GABRG3: variants seen among roughly 807,000 people sequenced by gnomAD.
The protein encoded by GABRG3 is gamma-aminobutyric acid type A receptor subunit gamma3.
GABRG3 carries 25 observed loss-of-function variants against 48.8 expected under a neutral mutation model. The ratio of observed to expected loss-of-function variants is 0.51; its 90% CI spans 0.37 to 0.72. The LOEUF (loss-of-function observed/expected upper bound fraction) is 0.72. Ranked by LOEUF, GABRG3 falls within the 30% of genes least tolerant of loss-of-function variation. GABRG3 has a pLI of 0.00. For synonymous variants in GABRG3, 227 were observed against 217.6 expected, an observed-to-expected ratio of 1.04 and a Z score of -0.38; for missense variants, 394 against 577.9, an observed-to-expected ratio of 0.68 and a Z score of 3.26.
chr15:27,509,311 G>T (rs4563002), intron 6 of GABRG3, among the ~76,000 whole-genome samples: 93,823 of 151,850 alleles, frequency 0.62, 30,185 homozygotes, highest in African/African-American at 0.8. Flanking sequence ...TATGATATAT[G>T]TAGTTGGGGG....
At chr15:27,189,340 T>C (rs970340570) in intron 3 of GABRG3, among the ~76,000 whole-genome samples, 1 of 152,138 alleles carries the variant, frequency 6.6e-6, no homozygotes, top group East Asian at 1.9e-4. Flanking sequence ...TTTCACGATA[T>C]TGATTCTTCC....
intron 3 of GABRG3, among the ~76,000 whole-genome samples, chr15:27,284,016 A>T (rs1359002545): frequency 6.6e-6 from 1 of 152,154 alleles, no homozygotes; most frequent in East Asian, 1.9e-4. Flanking sequence ...TTGCCCAAAG[A>T]ACTCACCTCA....
At chr15:27,498,133 T>C (rs1262508835) in intron 6 of GABRG3, among the ~76,000 whole-genome samples, 2 of 152,180 alleles carry the variant, frequency 1.3e-5, no homozygotes, top group East Asian at 3.8e-4. Flanking sequence ...ATATATGTGA[T>C]ATGCCTATCC....
In GABRG3 at chr15:27,307,366, T is replaced by TAGGTTTATATATGTTTATATATAAAC. The variant is rs1555370007; in HGVS notation, c.271-19442_271-19441insGGTTTATATATGTTTATATATAAACA. Among the ~76,000 whole-genome samples the TAGGTTTATATATGTTTATATATAAAC allele has an allele frequency of 1.4e-3, 28 of 19,944 alleles. 6 individuals are homozygous for TAGGTTTATATATGTTTATATATAAAC. The highest frequency in any genetic ancestry group is 3.4e-3 in the African/African-American group (14 of 4,168). The allele number at this position is 19,944 out of a possible 152,430, so 13.1% of individuals were successfully genotyped here. A position where few individuals can be genotyped will look rare whatever the true frequency, so the allele number is the denominator to read the frequency against. On this transcript the variant is annotated intron_variant, in intron 3 of 9. Coordinates refer to ENST00000615808, the MANE Select transcript of GABRG3 (RefSeq NM_033223.5). ...GTTTATATATGTTTATATATAACCA[T>TAGGTTTATATATGTTTATATATAAAC]ATAGGTTTATATATTTATATATAAC... is the stretch of plus-strand genomic sequence containing the variant.
chr15:27,216,778 A>ATTT (rs57030355), intron 3 of GABRG3, among the ~76,000 whole-genome samples: 1 of 119,618 alleles, frequency 8.4e-6, no homozygotes, highest in East Asian at 2.6e-4. Context: ...TTATTTTTTA[A>ATTT]TTTTTTTTTT....
At chr15:27,044,569 A>G (rs1039957340) in intron 3 of GABRG3, among the ~76,000 whole-genome samples, 5 of 152,268 alleles carry the variant, frequency 3.3e-5, no homozygotes, top group African/African-American at 4.8e-5. Flanking sequence ...CTTTTAATAC[A>G]TAATGATAAA....
At chr15:27,415,041 T>C (rs2140603667) in intron 5 of GABRG3, among the ~76,000 whole-genome samples, 1 of 152,302 alleles carries the variant, frequency 6.6e-6, no homozygotes, top group East Asian at 1.9e-4. Flanking sequence ...CTGACGTTAA[T>C]TTGGGTAAAT....
chr15:27,513,384 A>G (rs1199553803), intron 6 of GABRG3, among the ~76,000 whole-genome samples: 3 of 151,814 alleles, frequency 2.0e-5, no homozygotes, highest in African/African-American at 7.3e-5. Flanking sequence ...TGGGAGGCGG[A>G]GCTTGCAGTG....
At chr15:26,987,861 T>G (rs1280409134) in intron 2 of GABRG3, among the ~76,000 whole-genome samples, 2 of 152,248 alleles carry the variant, frequency 1.3e-5, no homozygotes, top group Admixed American at 6.5e-5. Context: ...GTGTTTTAAT[T>G]TCACTTACAT....
intron 5 of GABRG3, among the ~76,000 whole-genome samples, chr15:27,428,834 A>G (rs1240220750): frequency 2.0e-5 from 3 of 152,226 alleles, no homozygotes; most frequent in African/African-American, 7.2e-5. Flanking sequence ...GCTGAGGGAA[A>G]AAAAATTAGG....
At chr15:27,152,322 A>G (rs912984737) in intron 3 of GABRG3, among the ~76,000 whole-genome samples, 2 of 152,128 alleles carry the variant, frequency 1.3e-5, no homozygotes, top group African/African-American at 4.8e-5. Context: ...TGGGTTCTCT[A>G]TTCTGTTTTA....
At chr15:27,276,593 C>G (rs935784794) in intron 3 of GABRG3, among the ~76,000 whole-genome samples, 1 of 151,910 alleles carries the variant, frequency 6.6e-6, no homozygotes, top group African/African-American at 2.4e-5. Flanking sequence ...TAAGGCTGGG[C>G]CGAGTTACTA....
At chr15:27,033,355 C>T (rs1208170829) in intron 3 of GABRG3, among the ~76,000 whole-genome samples, 2 of 152,108 alleles carry the variant, frequency 1.3e-5, no homozygotes, top group South Asian at 2.1e-4. Flanking sequence ...GGGTGCCAGT[C>T]TACTGCAAGG....
chr15:27,495,556 A>G lies in GABRG3; in HGVS notation c.712+14769A>G, dbSNP rs929034123. On this transcript the variant is annotated intron_variant, in intron 6 of 9. Transcript: ENST00000615808. Reference sequence around the variant, plus strand: ...CAACATAAATTAGAAGACTCAAGACAAGGAAAGTCTGTTGTATAATTCTTT... The same window carrying G: ...CAACATAAATTAGAAGACTCAAGACGAGGAAAGTCTGTTGTATAATTCTTT... Among the ~76,000 whole-genome samples, 3 of 152,222 alleles carry G rather than the reference A, an allele frequency of 2.0e-5. 1 individual carries two copies. Among genetic ancestry groups the G allele is most frequent in the South Asian group, 4.1e-4 (2 of 4,832 alleles).
chr15:27,210,819 G>A (rs1033437120), intron 3 of GABRG3, among the ~76,000 whole-genome samples: 3 of 152,204 alleles, frequency 2.0e-5, no homozygotes, highest in African/African-American at 7.2e-5. Flanking sequence ...GGCTGGCGCT[G>A]TGTGAGCATT....
rs548009317 is a variant in GABRG3 at position 27,179,986 on chromosome 15, C to T, written c.271-146823C>T. ...GAAGAGCTGCAGCACTTCTCTCTGG[C>T]GGTACATTTTGCACACTCATGGTTA... is the stretch of plus-strand genomic sequence containing the variant. On this transcript the variant is annotated intron_variant, in intron 3 of 9. Coordinates refer to ENST00000615808, the MANE Select transcript of GABRG3 (RefSeq NM_033223.5). This position sits in a 1 kb window ranked among gnomAD's most constrained non-coding sequence, Gnocchi z 4.0. Among the ~76,000 whole-genome samples the T allele has an allele frequency of 5.9e-5, 9 of 152,240 alleles. No homozygotes were observed. The South Asian group carries it at 6.2e-4, about 11-fold the overall frequency.
intron 5 of GABRG3, among the ~76,000 whole-genome samples, chr15:27,414,900 G>T (rs1336645734): frequency 6.6e-6 from 1 of 152,070 alleles, no homozygotes; most frequent in Non-Finnish European, 1.5e-5. Context: ...CTTTCCTTTG[G>T]CTTCTTTCCA....
intron 2 of GABRG3, among the ~76,000 whole-genome samples, chr15:27,011,233 T>C (rs975156508): frequency 8.5e-5 from 13 of 152,178 alleles, no homozygotes; most frequent in African/African-American, 2.7e-4. Flanking sequence ...ATTCTGCAAC[T>C]CTCTTAGGAC....
Position 27,053,778 on chromosome 15 carries a change from T to C in GABRG3, c.270+26957T>C, listed in dbSNP as rs910420671. ...AAATGTGTAAATATACACCGTGAAA[T>C]ACCGCGCAGCCATTAAGAAAGAATG... On this transcript the variant is annotated intron_variant, in intron 3 of 9. Coordinates refer to ENST00000615808, the MANE Select transcript of GABRG3 (RefSeq NM_033223.5). 2.6e-5 allele frequency among the ~76,000 whole-genome samples: 4 copies of C among 152,260 alleles called. No individual in the cohort carries two copies. In the East Asian group the frequency reaches 7.7e-4, roughly 29 times the overall value.
Sources: gnomAD v4.1 joint callset for allele counts (sites outside exome capture counted in the v4.1 genomes callset) on GRCh38, gnomAD v4.1.1 for gene constraint, Gnocchi (gnomAD v3.1) non-coding constraint, MANE v1.5 for transcripts, NCBI Gene and HGNC (gene_info 2026-07-23, HGNC 2026-07-21) for gene names.